The following IGF2BP3 variants were observed in gnomAD, a reference collection of about 807,000 sequenced individuals.
IGF2BP3 encodes the protein insulin like growth factor 2 mRNA binding protein 3.
In IGF2BP3, 9 loss-of-function variants were observed where a neutral mutation model predicts 73.8. The ratio of observed to expected loss-of-function variants is 0.12; its 90% CI spans 0.07 to 0.21. IGF2BP3 has a LOEUF of 0.21. IGF2BP3 is among the 10% of genes least tolerant of loss of function. The pLI, the probability that IGF2BP3 is intolerant of heterozygous loss-of-function variation, is 1.00. For synonymous variants in IGF2BP3, 258 were observed against 256.7 expected (o/e 1.01, Z -0.05); for missense variants, 542 against 714.0 (o/e 0.76, Z 2.75).
chr7:23,390,989 G>GA (rs1486990316), intron 3 of IGF2BP3, among the ~76,000 whole-genome samples: 1 of 151,520 alleles, frequency 6.6e-6, no homozygotes, highest in African/African-American at 2.4e-5. Context: ...AGTAGAGACA[G>GA]GGTTTAGCCA....
intron 1 of IGF2BP3, among the ~76,000 whole-genome samples, chr7:23,468,798 C>G (rs1788631858): frequency 6.6e-6 from 1 of 152,212 alleles, no homozygotes; most frequent in African/African-American, 2.4e-5. Flanking sequence ...AAGCCTCCCC[C>G]ACCCACCCCT....
intron 3 of IGF2BP3, among the ~76,000 whole-genome samples, chr7:23,393,716 A>G (rs1786357567): frequency 6.6e-6 from 1 of 152,236 alleles, no homozygotes; most frequent in Non-Finnish European, 1.5e-5. Context: ...CTCTTAAAAG[A>G]TCATCTAGCC....
In IGF2BP3 at chr7:23,438,543, G is replaced by C. The variant is rs148671084; in HGVS notation, c.237-19719C>G. Among the ~76,000 whole-genome samples the C allele has an allele frequency of 3.1e-4, 46 of 146,748 alleles. No individual in the cohort carries two copies. The East Asian group carries it at 7.0e-3, about 22-fold the overall frequency. Reference sequence around the variant, plus strand: ...CAAATAAGTACACTAACTGACAAAAGATCCAATGCATATGATGTTTCAAGA... The same window carrying C: ...CAAATAAGTACACTAACTGACAAAACATCCAATGCATATGATGTTTCAAGA... On this transcript the variant is annotated intron_variant, in intron 2 of 14. Coordinates refer to ENST00000258729, the MANE Select transcript of IGF2BP3 (RefSeq NM_006547.3).
Position 23,418,829 on chromosome 7 carries a change from A to G in IGF2BP3, c.237-5T>C. 6.4e-7 allele frequency: 1 copy of G among 1,562,814 alleles called. No individual in the cohort carries two copies. Among genetic ancestry groups the G allele is most frequent in the Non-Finnish European group, 8.7e-7 (1 of 1,146,522 alleles). On this transcript the variant is annotated splice_polypyrimidine_tract_variant and splice_region_variant and intron_variant, in intron 2 of 14. Coordinates refer to ENST00000258729, the MANE Select transcript of IGF2BP3 (RefSeq NM_006547.3). ...CGTATCTGAAGTTTCCGAATCCTGC[A>G]GAAGAATTAAAATGTTTTTTAAAAG...
At chr7:23,326,504 T>C (rs1425503614) in intron 10 of IGF2BP3, among the ~76,000 whole-genome samples, 2 of 151,590 alleles carry the variant, frequency 1.3e-5, no homozygotes, top group Non-Finnish European at 2.9e-5. Context: ...TGGAAGTCAG[T>C]GTGGCAATTC....
At chr7:23,448,832 A>C (rs59656825) in intron 2 of IGF2BP3, among the ~76,000 whole-genome samples, 1 of 151,948 alleles carries the variant, frequency 6.6e-6, no homozygotes, top group African/African-American at 2.4e-5. Context: ...GGGTTTCACC[A>C]TGTTGGTCAA....
intron 3 of IGF2BP3, chr7:23,402,666 C>T (rs1023225263): frequency 6.6e-6 from 1 of 152,156 alleles, no homozygotes; most frequent in Non-Finnish European, 1.5e-5. Flanking sequence ...TAAGCATTTA[C>T]AAATTTTTAT....
intron 2 of IGF2BP3, among the ~76,000 whole-genome samples, chr7:23,452,312 G>T (rs1038343439): frequency 2.6e-5 from 4 of 152,062 alleles, no homozygotes; most frequent in African/African-American, 9.7e-5. Context: ...CCAGAATAGG[G>T]TATGTTTTCT....
intron 10 of IGF2BP3, among the ~76,000 whole-genome samples, chr7:23,336,819 G>A (rs940745880): frequency 6.6e-6 from 1 of 152,056 alleles, no homozygotes; most frequent in Non-Finnish European, 1.5e-5. Flanking sequence ...ATGGTGCTGC[G>A]CACTTGTAAT....
intron 3 of IGF2BP3, among the ~76,000 whole-genome samples, chr7:23,418,011 C>T (rs1787241414): frequency 6.6e-6 from 1 of 152,120 alleles, no homozygotes; most frequent in Non-Finnish European, 1.5e-5. Flanking sequence ...CCAAACTAAC[C>T]TTTTAACCAA....
chr7:23,410,444 T>C (rs1037450461), intron 3 of IGF2BP3, among the ~76,000 whole-genome samples: 1 of 152,086 alleles, frequency 6.6e-6, no homozygotes, highest in African/African-American at 2.4e-5. Context: ...CCAGGCAGCA[T>C]AGCACAAAGG....
intron 10 of IGF2BP3, among the ~76,000 whole-genome samples, chr7:23,328,354 G>A (rs941328467): frequency 9.2e-5 from 14 of 152,102 alleles, no homozygotes; most frequent in African/African-American, 1.4e-4. Flanking sequence ...GATTACAGGC[G>A]TGTGCCACCA....
At chr7:23,465,036 C>G (rs1788533990) in intron 2 of IGF2BP3, among the ~76,000 whole-genome samples, 1 of 152,114 alleles carries the variant, frequency 6.6e-6, no homozygotes, top group Non-Finnish European at 1.5e-5. Context: ...CTCTCAGTTC[C>G]CCAGTGTCAG....
chr7:23,458,452 C>T (rs991131789), intron 2 of IGF2BP3, among the ~76,000 whole-genome samples: 4 of 152,024 alleles, frequency 2.6e-5, no homozygotes, highest in Non-Finnish European at 4.4e-5. Context: ...CAGGGTCATA[C>T]AAAACTTGCT....
At chr7:23,443,475 G>A (rs1787984678) in intron 2 of IGF2BP3, among the ~76,000 whole-genome samples, 1 of 151,864 alleles carries the variant, frequency 6.6e-6, no homozygotes, top group African/African-American at 2.4e-5. Context: ...TGACCAGCCT[G>A]GCCAACATTG....
At chr7:23,354,965 C>G (rs1785054757) in intron 5 of IGF2BP3, among the ~76,000 whole-genome samples, 1 of 152,164 alleles carries the variant, frequency 6.6e-6, no homozygotes, top group Admixed American at 6.5e-5. Flanking sequence ...ATGATTGCAG[C>G]TCCTAAATTA....
chr7:23,391,731 A>G (rs1786283436), intron 3 of IGF2BP3, among the ~76,000 whole-genome samples: 1 of 152,264 alleles, frequency 6.6e-6, no homozygotes, highest in South Asian at 2.1e-4. Flanking sequence ...TTTTAAAATG[A>G]TAAAAAGCAC....
chr7:23,334,019 A>G (rs530304592), intron 10 of IGF2BP3, among the ~76,000 whole-genome samples: 1 of 152,250 alleles, frequency 6.6e-6, no homozygotes, highest in African/African-American at 2.4e-5. Flanking sequence ...TCTCTGGTAC[A>G]CTTCATTCTT....
intron 10 of IGF2BP3, among the ~76,000 whole-genome samples, chr7:23,322,738 C>G (rs889440912): frequency 2.6e-5 from 4 of 152,190 alleles, no homozygotes; most frequent in Non-Finnish European, 5.9e-5. Context: ...AGAAACTCTA[C>G]AAGCCAGAAG....
Sources: gnomAD v4.1 joint callset for allele counts (sites outside exome capture counted in the v4.1 genomes callset) on GRCh38, gnomAD v4.1.1 for gene constraint, MANE v1.5 for transcripts, NCBI Gene and HGNC (gene_info 2026-07-23, HGNC 2026-07-21) for gene names.